Variants in MACROD1 observed in about 807,000 individuals in gnomAD.
The protein encoded by MACROD1 is mono-ADP ribosylhydrolase 1, also known as ADP-ribose glycohydrolase MACROD1.
MACROD1 carries 31 observed loss-of-function variants against 41.4 expected under a neutral mutation model. That is an observed-to-expected ratio of 0.75 (90% CI 0.56 to 1.01). MACROD1 has a LOEUF of 1.01. MACROD1 is among the 50% of genes least tolerant of loss of function. The pLI is 0.00. For synonymous variants in MACROD1, 252 were observed against 203.4 expected (o/e 1.24, Z -2.03); for missense variants, 473 against 460.0 (o/e 1.03, Z -0.26).
intron 3 of MACROD1, among the ~76,000 whole-genome samples, chr11:64,017,320 G>C (rs1943095223): frequency 6.6e-6 from 1 of 152,144 alleles, no homozygotes; most frequent in African/African-American, 2.4e-5. Flanking sequence ...TGTAGACGGG[G>C]TGCTGGGCAC....
chr11:64,132,980 C>G (rs200552214), intron 3 of MACROD1, among the ~76,000 whole-genome samples: 1 of 152,168 alleles, frequency 6.6e-6, no homozygotes, highest in Non-Finnish European at 1.5e-5. Context: ...CCCACTGCCC[C>G]GAGTCCTGGC....
Position 64,122,552 on chromosome 11 carries a change from C to A in MACROD1, c.517+28687G>T, listed in dbSNP as rs1036901821. ...ACCCTCCCTCTGAGCCCAGCCCAGC[C>A]CTGTCCGAACAAAGCCAGGCAGAGA... On this transcript the variant is annotated intron_variant, in intron 3 of 10. Transcript: ENST00000255681. The surrounding 1 kb of genome is among the most constrained non-coding windows in gnomAD (Gnocchi z 4.0). Among the ~76,000 whole-genome samples the A allele has an allele frequency of 4.6e-5, 7 of 152,256 alleles. No homozygotes were observed. Among genetic ancestry groups the A allele is most frequent in the African/African-American group, 1.7e-4 (7 of 41,466 alleles).
At chr11:64,160,977 G>T (rs1945744945) in intron 1 of MACROD1, among the ~76,000 whole-genome samples, 3 of 152,056 alleles carry the variant, frequency 2.0e-5, no homozygotes, top group African/African-American at 7.2e-5. Context: ...TTTGAGACCA[G>T]CCTGGCCAAC....
chr11:64,022,924 C>T (rs989275512), intron 3 of MACROD1, among the ~76,000 whole-genome samples: 2 of 134,234 alleles, frequency 1.5e-5, no homozygotes, highest in Non-Finnish European at 3.0e-5. Context: ...CACAGTAGTG[C>T]GATCTCAGCT....
chr11:64,164,584 C>G (rs1406155162), intron 1 of MACROD1, among the ~76,000 whole-genome samples: 1 of 152,254 alleles, frequency 6.6e-6, no homozygotes, highest in Non-Finnish European at 1.5e-5. Flanking sequence ...GGGCTAAAGT[C>G]GGTGCTTTCT....
At chr11:64,022,531 C>T (rs545798282) in intron 3 of MACROD1, among the ~76,000 whole-genome samples, 4 of 152,220 alleles carry the variant, frequency 2.6e-5, no homozygotes, top group South Asian at 2.1e-4. Flanking sequence ...TGCAGGCCAG[C>T]GGTGGGTATC....
chr11:63,999,937 G>A (rs1942790838), intron 5 of MACROD1, 174 bp from the exon 6 acceptor site: 2 of 736,664 alleles, frequency 2.7e-6, no homozygotes, highest in South Asian at 3.8e-5. Flanking sequence ...ATCCGCACGC[G>A]CACAGAGCCC....
At position 64,120,041 on chromosome 11, in the gene MACROD1, G is replaced by A. The variant is rs1039270857; in HGVS notation, c.517+31198C>T. Among the ~76,000 whole-genome samples the A allele has an allele frequency of 6.6e-6, 1 of 152,182 alleles. No individual in the cohort carries two copies. The highest frequency in any genetic ancestry group is 1.5e-5 in the Non-Finnish European group (1 of 68,032). On this transcript the variant is annotated intron_variant, in intron 3 of 10. Transcript: ENST00000255681. The surrounding 1 kb of genome is among the most constrained non-coding windows in gnomAD (Gnocchi z 4.5). ...ATGAGAGGGCTGGGAGCGCCTGGTG[G>A]TGCTATTTTCAAACGGCCTCCACCA...
chr11:64,138,176 G>A (rs1157601463), intron 3 of MACROD1, among the ~76,000 whole-genome samples: 2 of 152,322 alleles, frequency 1.3e-5, no homozygotes, highest in East Asian at 3.9e-4. Flanking sequence ...ACCCAGCCCT[G>A]TCCCATGCGC....
At chr11:64,117,704 C>T in intron 3 of MACROD1, 1 of 1,613,628 alleles carries the variant, frequency 6.2e-7, no homozygotes, top group Non-Finnish European at 8.5e-7. Context: ...CCGTGGGCTC[C>T]ATCACGGAGA....
intron 3 of MACROD1, among the ~76,000 whole-genome samples, chr11:64,070,534 A>T (rs1944088159): frequency 6.6e-6 from 1 of 152,220 alleles, no homozygotes; most frequent in Non-Finnish European, 1.5e-5. Context: ...GCCCGAGAGC[A>T]GAGCTCGAGA....
intron 3 of MACROD1, among the ~76,000 whole-genome samples, chr11:64,143,308 C>T (rs959058999): frequency 4.6e-5 from 7 of 152,140 alleles, no homozygotes; most frequent in Admixed American, 3.9e-4. Context: ...TACCCAGAGC[C>T]GTGACCTGTG....
chr11:64,022,865 G>A (rs1943176008), intron 3 of MACROD1, among the ~76,000 whole-genome samples: 1 of 141,186 alleles, frequency 7.1e-6, no homozygotes, highest in South Asian at 2.3e-4. Context: ...GCTTCCACAT[G>A]GATTTTTTTT....
At chr11:64,159,471 G>A (rs1252973720) in intron 1 of MACROD1, among the ~76,000 whole-genome samples, 1 of 152,058 alleles carries the variant, frequency 6.6e-6, no homozygotes, top group Non-Finnish European at 1.5e-5. Flanking sequence ...ACTCCAGCCT[G>A]GGCAACAAAG....
chr11:64,019,726 G>A (rs946791435), intron 3 of MACROD1, among the ~76,000 whole-genome samples: 11 of 152,210 alleles, frequency 7.2e-5, no homozygotes, highest in East Asian at 1.9e-4. Context: ...AGTCCTGACC[G>A]GAGGGGTAGC....
intron 4 of MACROD1, among the ~76,000 whole-genome samples, chr11:64,014,806 A>T (rs1458912863): frequency 6.6e-6 from 1 of 152,210 alleles, no homozygotes; most frequent in Non-Finnish European, 1.5e-5. Context: ...ACACAGAGAC[A>T]TCCCAGGGCT....
intron 3 of MACROD1, among the ~76,000 whole-genome samples, chr11:64,033,274 G>A (rs961933023): frequency 5.3e-5 from 8 of 152,210 alleles, no homozygotes; most frequent in Non-Finnish European, 5.9e-5. Context: ...ACAGCACCTG[G>A]CACACAGTGG....
chr11:64,020,596 G>A (rs550701119), intron 3 of MACROD1, among the ~76,000 whole-genome samples: 39 of 152,000 alleles, frequency 2.6e-4, no homozygotes, highest in Non-Finnish European at 4.7e-4. Context: ...CATAGACTCT[G>A]CCATGGCCCC....
At chr11:64,015,125 C>T in intron 4 of MACROD1, 127 bp downstream of exon 4, 1 of 1,029,614 alleles carries the variant, frequency 9.7e-7, no homozygotes, top group Non-Finnish European at 1.3e-6. Flanking sequence ...AAGGGAGGCA[C>T]CCTGTGAGGA....
Sources: gnomAD v4.1 joint callset for allele counts (sites outside exome capture counted in the v4.1 genomes callset) on GRCh38, gnomAD v4.1.1 for gene constraint, Gnocchi (gnomAD v3.1) non-coding constraint, MANE v1.5 for transcripts, NCBI Gene and HGNC (gene_info 2026-07-23, HGNC 2026-07-21) for gene names.